Variants in BIRC6 observed in about 807,000 individuals in gnomAD.
BIRC6 encodes baculoviral IAP repeat containing 6.
In BIRC6, 98 loss-of-function variants were observed where a neutral mutation model predicts 503.3. That is an observed-to-expected ratio of 0.19 (90% CI 0.17 to 0.23). BIRC6 has a LOEUF of 0.23. BIRC6 is among the 10% of genes least tolerant of loss of function. The pLI is 1.00. For synonymous variants in BIRC6, 2,240 were observed against 2,078.7 expected, an observed-to-expected ratio of 1.08 and a Z score of -2.11; for missense variants, 5,360 against 5,806.0, an observed-to-expected ratio of 0.92 and a Z score of 2.50.
chr2:32,365,917 C>G (rs2034856878), intron 1 of BIRC6, among the ~76,000 whole-genome samples: 1 of 151,214 alleles, frequency 6.6e-6, no homozygotes. Flanking sequence ...TGAATTCTTG[C>G]TCTGTTGCCC....
intron 1 of BIRC6, among the ~76,000 whole-genome samples, chr2:32,367,137 A>T (rs2035058134): frequency 6.6e-6 from 1 of 151,602 alleles, no homozygotes; most frequent in African/African-American, 2.4e-5. Context: ...TAATAGAGAT[A>T]CAAATAAAAA....
chr2:32,373,826 G>A (rs977741064), intron 1 of BIRC6, among the ~76,000 whole-genome samples: 3 of 152,204 alleles, frequency 2.0e-5, no homozygotes. Context: ...TAGCCAAAAG[G>A]CAGAAGCAAC....
At chr2:32,398,846 C>T (rs1446271762) in intron 6 of BIRC6, among the ~76,000 whole-genome samples, 1 of 152,036 alleles carries the variant, frequency 6.6e-6, no homozygotes, top group Non-Finnish European at 1.5e-5. Context: ...GCCCAAATGT[C>T]ATTTGCTTGG....
chr2:32,533,667 C>T (rs1010668741), intron 61 of BIRC6, among the ~76,000 whole-genome samples: 7 of 152,108 alleles, frequency 4.6e-5, no homozygotes, highest in African/African-American at 1.4e-4. Flanking sequence ...TCATGGATCT[C>T]CTCAGCCGTC....
intron 61 of BIRC6, among the ~76,000 whole-genome samples, chr2:32,536,403 T>C (rs1055407669): frequency 6.6e-6 from 1 of 152,212 alleles, no homozygotes; most frequent in Non-Finnish European, 1.5e-5. Flanking sequence ...CTGAATGGTA[T>C]TGCCTAGGTT....
intron 1 of BIRC6, among the ~76,000 whole-genome samples, chr2:32,374,474 ATTTT>A (rs1398010357): frequency 7.1e-6 from 1 of 140,872 alleles, no homozygotes. Context: ...AATTTTTTTA[ATTTT>A]TTTTTTTTTT....
chr2:32,424,343 A>G (rs1332331527), intron 10 of BIRC6, among the ~76,000 whole-genome samples: 2 of 151,998 alleles, frequency 1.3e-5, no homozygotes, highest in South Asian at 2.1e-4. Flanking sequence ...AACTGTGACT[A>G]CTGTAAGGGG....
intron 10 of BIRC6, among the ~76,000 whole-genome samples, chr2:32,419,046 G>A (rs1293220922): frequency 6.6e-6 from 1 of 152,190 alleles, no homozygotes; most frequent in African/African-American, 2.4e-5. Context: ...ATGTGATAGG[G>A]AATTTATCCA....
At chr2:32,427,344 G>A (rs1040419062) in intron 10 of BIRC6, among the ~76,000 whole-genome samples, 17 of 151,760 alleles carry the variant, frequency 1.1e-4, no homozygotes, top group Admixed American at 6.6e-5. Flanking sequence ...GTGCAGTGGC[G>A]CTATCTCAGC....
At chr2:32,505,638 T>A (rs1003305381) in intron 50 of BIRC6, among the ~76,000 whole-genome samples, 1 of 152,192 alleles carries the variant, frequency 6.6e-6, no homozygotes, top group Non-Finnish European at 1.5e-5. Context: ...TTGAATAATA[T>A]TATATTTTGA....
Position 32,467,518 on chromosome 2 carries a change from C to G in BIRC6, c.5357-7C>G. The G allele has an allele frequency of 6.2e-7, 1 of 1,611,580 alleles. No individual in the cohort carries two copies. The highest frequency in any genetic ancestry group is 8.5e-7 in the Non-Finnish European group (1 of 1,178,026). On this transcript the variant is annotated splice_region_variant and splice_polypyrimidine_tract_variant and intron_variant, in intron 26 of 73. Transcript: ENST00000421745. ...TTTTGGTCAACTGTTTCTTCTTTCT[C>G]TCATAGGAGCAAGAAGATTTGTGAC...
At chr2:32,429,628 T>TATTC (rs939745676) in intron 11 of BIRC6, among the ~76,000 whole-genome samples, 1 of 152,150 alleles carries the variant, frequency 6.6e-6, no homozygotes, top group African/African-American at 2.4e-5. Flanking sequence ...TTAGGTGGTA[T>TATTC]ATTCACACAT....
intron 61 of BIRC6, 103 bp downstream of exon 61, chr2:32,531,654 C>A: frequency 9.6e-7 from 1 of 1,039,520 alleles, no homozygotes; most frequent in Non-Finnish European, 1.4e-6. Context: ...TGTAGAAATA[C>A]CCTTTGCTTT....
At chr2:32,612,799 T>G (rs2062968993) in intron 73 of BIRC6, among the ~76,000 whole-genome samples, 1 of 152,208 alleles carries the variant, frequency 6.6e-6, no homozygotes, top group African/African-American at 2.4e-5. Context: ...ATGTTTGAAT[T>G]TTTTCACTAT....
Position 32,388,487 on chromosome 2 carries a change from G to A in BIRC6, c.646-263G>A, listed in dbSNP as rs185404398. The stretch of plus-strand genomic sequence containing the variant: ...TTCCCAAAGTGTTGGGATTACAGGC[G>A]TAAGCCACTGCACCTGGCCTTTACT... On this transcript the variant is annotated intron_variant, in intron 3 of 73. Coordinates refer to ENST00000421745, the MANE Select transcript of BIRC6 (RefSeq NM_016252.4). 7.2e-5 allele frequency among the ~76,000 whole-genome samples: 11 copies of A among 151,956 alleles called. No homozygotes were observed. In the East Asian group the frequency reaches 1.9e-3, roughly 27 times the overall value.
intron 65 of BIRC6, 45 bp downstream of exon 65, chr2:32,549,526 T>G (rs760828318): frequency 6.1e-6 from 8 of 1,307,014 alleles, no homozygotes; most frequent in African/African-American, 3.0e-5. Flanking sequence ...TAATTTTGTT[T>G]GCTTATTTTA....
At position 32,515,288 on chromosome 2, in the gene BIRC6, A is replaced by G. The variant is rs764685123; in HGVS notation, c.10867A>G (p.Ile3623Val). 8 of 1,613,794 alleles carry G rather than the reference A, an allele frequency of 5.0e-6. No homozygotes were observed. Among genetic ancestry groups the G allele is most frequent in the Admixed American group, 1.7e-5 (1 of 60,010 alleles). Residue 3623 changes from isoleucine to valine, a missense_variant, in exon 55 of 74, where the codon ATT becomes GTT. Physicochemically the swap from Ile to Val is conservative, Grantham distance 29. Coordinates refer to ENST00000421745, the MANE Select transcript of BIRC6 (RefSeq NM_016252.4). ...TTCCTCTTCTCAATCTCCTGAAGCTATTAAACAATTACTAGACTCAGGTTT... is the reference window on the plus strand; with the variant it reads ...TTCCTCTTCTCAATCTCCTGAAGCTGTTAAACAATTACTAGACTCAGGTTT... Reference protein sequence around the residue: ...LASSSQSPEAIKQLLDSGLPS... With the variant: ...LASSSQSPEAVKQLLDSGLPS...
intron 9 of BIRC6, among the ~76,000 whole-genome samples, chr2:32,411,281 C>T (rs2041843948): frequency 6.6e-6 from 1 of 150,880 alleles, no homozygotes; most frequent in Non-Finnish European, 1.5e-5. Context: ...TCAGGTGATC[C>T]ACCCGCCTCA....
intron 12 of BIRC6, among the ~76,000 whole-genome samples, chr2:32,431,360 T>A (rs1437093556): frequency 6.6e-6 from 1 of 151,852 alleles, no homozygotes; most frequent in Non-Finnish European, 1.5e-5. Context: ...CACGTCCGGC[T>A]AATTTTTGTA....
Sources: allele counts gnomAD v4.1 joint callset (sites outside exome capture counted in the v4.1 genomes callset), GRCh38; gene constraint gnomAD v4.1.1; transcripts MANE v1.5; gene names NCBI Gene and HGNC (gene_info 2026-07-23, HGNC 2026-07-21).